The following RSAD1 variants were observed in gnomAD, a reference collection of about 807,000 sequenced individuals.
The protein encoded by RSAD1 is radical S-adenosyl methionine domain containing 1.
RSAD1 carries 34 observed loss-of-function variants against 46.2 expected under a neutral mutation model. The observed-to-expected ratio is 0.74, with a 90% CI of 0.56 to 0.98. The LOEUF (loss-of-function observed/expected upper bound fraction) is 0.98, where lower values mean the gene tolerates loss of function less well. RSAD1 is among the 50% of genes least tolerant of loss of function. The probability of loss-of-function intolerance (pLI) is 0.00; values close to 1 mark genes in which losing one functional copy is unlikely to be tolerated. For missense variants in RSAD1, 635 were observed against 592.3 expected, an observed-to-expected ratio of 1.07 and a Z score of -0.75; for synonymous variants, 260 against 253.5, an observed-to-expected ratio of 1.03 and a Z score of -0.24.
At chr17:50,483,306 C>T in intron 5 of RSAD1, 34 bp from the exon 6 acceptor site, 3 of 1,607,408 alleles carry the variant, frequency 1.9e-6, no homozygotes, top group South Asian at 2.2e-5. Context: ...GTATTAACAG[C>T]CATTAATGTG....
intron 5 of RSAD1, 100 bp from the exon 6 acceptor site, chr17:50,483,240 G>A (rs1390957158): frequency 3.2e-6 from 3 of 924,952 alleles, no homozygotes; most frequent in South Asian, 2.8e-5. Flanking sequence ...TATATTTCCA[G>A]TATGTTAGAG....
intron 8 of RSAD1, 36 bp downstream of exon 8, chr17:50,484,581 C>T: frequency 6.3e-7 from 1 of 1,594,892 alleles, no homozygotes; most frequent in Non-Finnish European, 8.6e-7. Flanking sequence ...GGGGCTGAGG[C>T]ATACCAGGGA....
rs753288816 is a variant in RSAD1 at position 50,479,741 on chromosome 17, T to C, written c.248T>C (p.Leu83Pro). The C allele has an allele frequency of 6.2e-7, 1 of 1,611,582 alleles. No individual in the cohort carries two copies. The highest frequency in any genetic ancestry group is 8.5e-7 in the Non-Finnish European group (1 of 1,178,712). ...KCLVTEAQTL[L>P]RLSGVQRVES... ...CTGGTGACCGAAGCTCAGACGCTGC[T>C]GCGGCTCAGCGGGGTGCAACGGTGG... The change falls in exon 2 of 9, where the codon CTG (leucine) becomes CCG (proline). Residue 83 changes from leucine to proline, a missense_variant. Leu to Pro is a moderately conservative substitution (Grantham distance 98, BLOSUM62 -3). Coordinates refer to ENST00000258955, the MANE Select transcript of RSAD1 (RefSeq NM_018346.3).
rs768986637 is a variant in RSAD1 at position 50,479,908 on chromosome 17, A to G, written c.298A>G (p.Thr100Ala). The G allele has an allele frequency of 1.2e-6, 2 of 1,612,354 alleles. No homozygotes were observed. The highest frequency in any genetic ancestry group is 1.7e-5 in the Admixed American group (1 of 59,894). ...GGAGTCTGTGTTCTTTGGTGGGGGG[A>G]CCCCCAGTCTAGCCAGTCCCCACAC... ...RVESVFFGGG[T>A]PSLASPHTVA... is the part of the protein sequence containing the mutation. The change falls in exon 3 of 9, where the codon ACC becomes GCC. Residue 100 changes from threonine (T) to alanine (A), a missense_variant. Thr to Ala is a moderately conservative substitution (Grantham distance 58). Coordinates refer to ENST00000258955, the MANE Select transcript of RSAD1 (RefSeq NM_018346.3).
rs543921107 is a variant in RSAD1, at chr17:50,479,138, G to GCC, written c.135+123_135+124dup. ...ATGAACCCGCCTGCCGTGTTTCCGT[G>GCC]CCCCCGTACGAGGTCTGGGATGGGA... On this transcript the variant is annotated intron_variant, in intron 1 of 8. Transcript: ENST00000258955. The GCC allele has an allele frequency of 7.1e-4, 797 of 1,125,474 alleles. 8 individuals are homozygous for GCC. The African/African-American group carries it at 0.012, about 17-fold the overall frequency. The allele number at this position is 1,125,474 out of a possible 1,614,324, so 69.7% of individuals were successfully genotyped here.
At position 50,485,673 on chromosome 17, in the gene RSAD1, C is replaced by T. The variant is rs1317579393; in HGVS notation, c.*812C>T. The stretch of plus-strand genomic sequence containing the variant: ...ATGTTGGTGGATCCATGTATGTGTC[C>T]AGCACAGCGGCCTGCTGGACTCTGA... On this transcript the variant is annotated 3_prime_UTR_variant, in exon 9 of 9. Coordinates refer to ENST00000258955, the MANE Select transcript of RSAD1 (RefSeq NM_018346.3). The T allele has an allele frequency of 2.6e-5, 4 of 152,230 alleles. No individual in the cohort carries two copies. In the East Asian group the frequency reaches 7.7e-4, roughly 29 times the overall value. The allele number at this position is 152,230 out of a possible 1,614,324, so 9.4% of individuals were successfully genotyped here. A position where few individuals can be genotyped will look rare whatever the true frequency, so the allele number is the denominator to read the frequency against.
intron 4 of RSAD1, 87 bp downstream of exon 4, chr17:50,482,543 C>G: frequency 2.5e-6 from 4 of 1,611,486 alleles, no homozygotes; most frequent in Non-Finnish European, 3.4e-6. Context: ...GAGAAGGATC[C>G]TGGCCGAGAT....
rs1402120708 is a variant in RSAD1, at chr17:50,482,357, C to T, written c.741C>T (p.Ala247=). The part of the protein sequence containing the change: ...FAQVQRGALP[A]PDPELAAEMY... ...AGGTGCAGCGGGGTGCCCTTCCAGC[C>T]CCTGACCCGGAGCTCGCAGCTGAGA... Residue 247 remains alanine, a synonymous_variant, in exon 4 of 9, where the codon GCC becomes GCT. Coordinates refer to ENST00000258955, the MANE Select transcript of RSAD1 (RefSeq NM_018346.3). The T allele has an allele frequency of 1.9e-6, 3 of 1,611,740 alleles. No homozygotes were observed. In the African/African-American group the frequency reaches 4.0e-5, roughly 22 times the overall value.
In RSAD1 at chr17:50,479,017, C is replaced by T. The variant is rs978468677; in HGVS notation, c.133C>T (p.His45Tyr). The T allele has an allele frequency of 1.5e-6, 2 of 1,355,850 alleles. No individual in the cohort carries two copies. The highest frequency in any genetic ancestry group is 3.6e-5 in the Admixed American group (1 of 27,892). 84.0% of individuals were successfully genotyped at this position (1,355,850 alleles called of 1,614,324 possible). The change falls in exon 1 of 9, where the codon CAC becomes TAC. Residue 45 changes from histidine (H) to tyrosine (Y), a missense_variant and splice_region_variant. Coordinates refer to ENST00000258955, the MANE Select transcript of RSAD1 (RefSeq NM_018346.3). ...GGGCCGGCGCGCGGCGCTTTACGTA[C>T]ACGTGAGTAGGGGCGGGGGCGGAGC... is the stretch of plus-strand genomic sequence containing the variant. ...PAGRRAALYV[H>Y]WPYCEKRCSY...
At position 50,479,856 on chromosome 17, in the gene RSAD1, C is replaced by G. The variant is rs1359423249; in HGVS notation, c.270-24C>G. On this transcript the variant is annotated intron_variant, in intron 2 of 8. Coordinates refer to ENST00000258955, the MANE Select transcript of RSAD1 (RefSeq NM_018346.3). The stretch of plus-strand genomic sequence containing the variant: ...CATCCCAGAGGGCTCCCCCAGGTCT[C>G]ATTTCTCCATTCTCTTTCCCCAGGG... 3 of 1,603,132 alleles carry G rather than the reference C, an allele frequency of 1.9e-6. No individual in the cohort carries two copies. In the East Asian group the frequency reaches 6.7e-5, roughly 36 times the overall value.
Position 50,483,449 on chromosome 17 carries a change from TGGCA to T in RSAD1, c.1015_1018del (p.Gly339ProfsTer39), listed in dbSNP as rs745704331. On this transcript the variant is annotated frameshift_variant, in exon 6 of 9. Coordinates refer to ENST00000258955, the MANE Select transcript of RSAD1 (RefSeq NM_018346.3). LOFTEE classifies it high-confidence loss of function. ...TGAAGGAGGTGATGCTGTTTGGCCATGGCACCCGGAAGCGTGTCCCCCTGGGCAG... is the reference window on the plus strand; with the variant it reads ...TGAAGGAGGTGATGCTGTTTGGCCATCCCGGAAGCGTGTCCCCCTGGGCAG... 26 of 1,613,148 alleles carry T rather than the reference TGGCA, an allele frequency of 1.6e-5. No individual in the cohort carries two copies. The highest frequency in any genetic ancestry group is 2.2e-5 in the Non-Finnish European group (26 of 1,179,704).
rs1885689146 is a variant in RSAD1, at chr17:50,483,466, TC to T, written c.1036del (p.Leu346TrpfsTer33). ...MLFGHGTRKR[V>X]PLGRLELLEE... ...TTTGGCCATGGCACCCGGAAGCGTG[TC>T]CCCCTGGGCAGGCTGGAGCTGTGAG... On this transcript the variant is annotated frameshift_variant, in exon 6 of 9. Transcript: ENST00000258955. LOFTEE classifies it high-confidence loss of function. 6.2e-7 allele frequency: 1 copy of T among 1,612,842 alleles called. No individual in the cohort carries two copies. The highest frequency in any genetic ancestry group is 1.1e-5 in the South Asian group (1 of 90,766).
chr17:50,483,373 G>C lies in RSAD1; in HGVS notation c.938G>C (p.Gly313Ala), dbSNP rs1598444817. The change falls in exon 6 of 9, where the codon GGA (glycine) becomes GCA (alanine). Residue 313 changes from glycine to alanine, a missense_variant. Gly to Ala is a moderately conservative substitution (Grantham distance 60). Transcript: ENST00000258955. ...AHGRFMPQGA[G>A]GHTREARIQT... ...GGACGATTTATGCCCCAGGGGGCTGGAGGCCACACCCGGGAGGCTCGGATC... is the reference window on the plus strand; with the variant it reads ...GGACGATTTATGCCCCAGGGGGCTGCAGGCCACACCCGGGAGGCTCGGATC... 1.2e-6 allele frequency: 2 copies of C among 1,614,034 alleles called. No homozygotes were observed. Among genetic ancestry groups the C allele is most frequent in the Non-Finnish European group, 1.7e-6 (2 of 1,179,980 alleles).
At chr17:50,483,245 T>G (rs2033406445) in intron 5 of RSAD1, 95 bp from the exon 6 acceptor site, 1 of 1,155,460 alleles carries the variant, frequency 8.7e-7, no homozygotes, top group Non-Finnish European at 1.2e-6. Flanking sequence ...TTCCAGTATG[T>G]TAGAGGCAGT....
At chr17:50,484,130 C>G (rs1162902061) in intron 7 of RSAD1, 2 of 438,392 alleles carry the variant, frequency 4.6e-6, no homozygotes, top group Non-Finnish European at 8.1e-6. Context: ...AGATAATTAT[C>G]AAGCAAATCC....
In RSAD1 at chr17:50,480,193, C is replaced by T. The variant is rs1384364491; in HGVS notation, c.474+109C>T. 4 of 1,157,702 alleles carry T rather than the reference C, an allele frequency of 3.5e-6. No homozygotes were observed. In the East Asian group the frequency reaches 9.7e-5, roughly 28 times the overall value. 71.7% of individuals were successfully genotyped at this position (1,157,702 alleles called of 1,614,324 possible). A position where few individuals can be genotyped will look rare whatever the true frequency, so the allele number is the denominator to read the frequency against. On this transcript the variant is annotated intron_variant, in intron 3 of 8. Transcript: ENST00000258955. ...ACATTGATTGAGCACCTTCTGGGTG[C>T]CAGGGACACAGTAGGGCCTAGTGCG...
In RSAD1 at chr17:50,478,920, G is replaced by T. The variant is rs969061067; in HGVS notation, c.36G>T (p.Ala12=). The T allele has an allele frequency of 6.7e-6, 9 of 1,338,996 alleles. No individual in the cohort carries two copies. Among genetic ancestry groups the T allele is most frequent in the Middle Eastern group, 2.7e-4 (1 of 3,638 alleles). The allele number at this position is 1,338,996 out of a possible 1,614,324, so 82.9% of individuals were successfully genotyped here. A position where few individuals can be genotyped will look rare whatever the true frequency, so the allele number is the denominator to read the frequency against. The change falls in exon 1 of 9, where the codon GCG becomes GCT. Residue 12 remains alanine (A), a synonymous_variant. Coordinates refer to ENST00000258955, the MANE Select transcript of RSAD1 (RefSeq NM_018346.3). ...CCGGAGCCCGGGCTCGCGGCTGGGCGGCAGCAGCCAGAGCGGCCCAGAGGC... is the reference window on the plus strand; with the variant it reads ...CCGGAGCCCGGGCTCGCGGCTGGGCTGCAGCAGCCAGAGCGGCCCAGAGGC... ...ALPGARARGW[A]AAARAAQRRR...
At position 50,478,933 on chromosome 17, in the gene RSAD1, G is replaced by A. The variant is rs2033344167; in HGVS notation, c.49G>A (p.Ala17Thr). ...TCGCGGCTGGGCGGCAGCAGCCAGA[G>A]CGGCCCAGAGGCGCCGCCGCGTGGA... The part of the protein sequence containing the change: ...RARGWAAAAR[A>T]AQRRRRVENA... Residue 17 changes from alanine to threonine, a missense_variant, in exon 1 of 9, where the codon GCG (alanine) becomes ACG (threonine). Coordinates refer to ENST00000258955, the MANE Select transcript of RSAD1 (RefSeq NM_018346.3). The A allele has an allele frequency of 7.3e-7, 1 of 1,365,514 alleles. No individual in the cohort carries two copies. Among genetic ancestry groups the A allele is most frequent in the Non-Finnish European group, 9.4e-7 (1 of 1,065,812 alleles). 84.6% of individuals were successfully genotyped at this position (1,365,514 alleles called of 1,614,324 possible).
In RSAD1 at chr17:50,482,706, G is replaced by A. The variant is rs1219891243; in HGVS notation, c.904G>A (p.Gly302Arg). Residue 302 changes from glycine to arginine, a missense_variant and splice_region_variant, in exon 5 of 9, where the codon GGG becomes AGG. By Grantham distance (125) the Gly-to-Arg change is moderately radical. Transcript: ENST00000258955. ...QCGQYLGVGP[G>R]AHGRFMPQGA... ...TGGTCAGTACCTTGGCGTTGGGCCT[G>A]GTGAGTCCCGTGAACTACAGAAAGG... The A allele has an allele frequency of 5.6e-6, 9 of 1,613,738 alleles. No homozygotes were observed. Among genetic ancestry groups the A allele is most frequent in the African/African-American group, 2.7e-5 (2 of 74,914 alleles).
Sources: gnomAD v4.1 joint callset for allele counts on GRCh38, gnomAD v4.1.1 for gene constraint, MANE v1.5 for transcripts, NCBI Gene and HGNC (gene_info 2026-07-23, HGNC 2026-07-21) for gene names.